The following PPM1L variants were observed in gnomAD, a reference collection of about 807,000 sequenced individuals.
PPM1L encodes the protein protein phosphatase, Mg2+/Mn2+ dependent 1L.
Under a neutral mutation model 31.4 loss-of-function variants are expected in PPM1L, and 13 were observed. The observed-to-expected ratio is 0.41, with a 90% confidence interval of 0.27 to 0.66. The LOEUF (loss-of-function observed/expected upper bound fraction) is 0.66, where lower values mean the gene tolerates loss of function less well. Among genes scored for constraint, PPM1L ranks in the 30% least tolerant of loss-of-function variants. The pLI, the probability that PPM1L is intolerant of heterozygous loss-of-function variation, is 0.29. For missense variants in PPM1L, 326 were observed against 453.7 expected (o/e 0.72, Z 2.56); for synonymous variants, 184 against 175.4 (o/e 1.05, Z -0.39).
intron 1 of PPM1L, among the ~76,000 whole-genome samples, chr3:160,766,631 C>T (rs1715107408): frequency 6.6e-6 from 1 of 151,918 alleles, no homozygotes; most frequent in Non-Finnish European, 1.5e-5. Context: ...TTGTAAATTA[C>T]CCAATCTCAG....
intron 2 of PPM1L, among the ~76,000 whole-genome samples, chr3:161,038,962 C>T (rs1036818179): frequency 6.6e-6 from 1 of 152,142 alleles, no homozygotes; most frequent in African/African-American, 2.4e-5. Context: ...AAAATGGTGA[C>T]GAGAATGACC....
intron 1 of PPM1L, among the ~76,000 whole-genome samples, chr3:160,894,997 C>T (rs1405333946): frequency 6.6e-6 from 1 of 151,974 alleles, no homozygotes; most frequent in Non-Finnish European, 1.5e-5. Context: ...TAAACTGTGC[C>T]TTGGAGAAGA....
chr3:160,979,854 A>G (rs961634483), intron 2 of PPM1L, among the ~76,000 whole-genome samples: 6 of 152,066 alleles, frequency 3.9e-5, no homozygotes, highest in Non-Finnish European at 8.8e-5. Flanking sequence ...TTTCAATAAA[A>G]CTTTTCATCC....
At chr3:160,768,528 A>C (rs562144290) in intron 1 of PPM1L, among the ~76,000 whole-genome samples, 27 of 152,310 alleles carry the variant, frequency 1.8e-4, no homozygotes, top group African/African-American at 6.3e-4. Flanking sequence ...AGAAGTACTC[A>C]TCTCAAGAAG....
At chr3:160,797,427 G>A (rs182324325) in intron 1 of PPM1L, among the ~76,000 whole-genome samples, 1 of 152,162 alleles carries the variant, frequency 6.6e-6, no homozygotes, top group Admixed American at 6.5e-5. Context: ...TTGAAATTAG[G>A]CCAATTAGTA....
rs1037796525 is a variant in PPM1L, at chr3:161,071,478, A to G, written c.*2321A>G. 6.6e-5 allele frequency: 10 copies of G among 152,170 alleles called. No homozygotes were observed. Among genetic ancestry groups the G allele is most frequent in the Admixed American group, 4.6e-4 (7 of 15,274 alleles). The allele number at this position is 152,170 out of a possible 1,614,324, so 9.4% of individuals were successfully genotyped here. On this transcript the variant is annotated 3_prime_UTR_variant, in exon 4 of 4. Transcript: ENST00000498165. Reference sequence around the variant, plus strand: ...TGGTGCTGAGTGCACGAGTTACATAACTTTCTCTCTAATTGAGGTTCACAA... The same window carrying G: ...TGGTGCTGAGTGCACGAGTTACATAGCTTTCTCTCTAATTGAGGTTCACAA...
At chr3:160,825,698 T>C (rs1713338406) in intron 1 of PPM1L, among the ~76,000 whole-genome samples, 1 of 152,184 alleles carries the variant, frequency 6.6e-6, no homozygotes, top group South Asian at 2.1e-4. Flanking sequence ...AAGATAAGAA[T>C]GACTTTACCG....
chr3:160,998,766 A>G (rs1717398760), intron 2 of PPM1L, among the ~76,000 whole-genome samples: 1 of 152,184 alleles, frequency 6.6e-6, no homozygotes, highest in Non-Finnish European at 1.5e-5. Context: ...ACTGTAATAC[A>G]AGGTCTGTTT....
intron 2 of PPM1L, among the ~76,000 whole-genome samples, chr3:161,051,224 C>G (rs1224383680): frequency 1.3e-5 from 2 of 152,150 alleles, no homozygotes; most frequent in Admixed American, 6.5e-5. Flanking sequence ...TTCTAAGTGT[C>G]TGTTTGGTTT....
At chr3:160,902,120 A>G (rs754369245) in intron 1 of PPM1L, among the ~76,000 whole-genome samples, 11 of 152,158 alleles carry the variant, frequency 7.2e-5, no homozygotes, top group Non-Finnish European at 1.6e-4. Context: ...ATTCACAACC[A>G]TACCTATCCA....
chr3:160,990,781 A>G (rs1424529820), intron 2 of PPM1L, among the ~76,000 whole-genome samples: 6 of 152,220 alleles, frequency 3.9e-5, no homozygotes, highest in Non-Finnish European at 8.8e-5. Flanking sequence ...GTGATTATAA[A>G]CAGATTTTCA....
intron 1 of PPM1L, among the ~76,000 whole-genome samples, chr3:160,924,862 A>G (rs773965371): frequency 2.6e-5 from 4 of 152,224 alleles, no homozygotes; most frequent in Non-Finnish European, 4.4e-5. Flanking sequence ...TCTGACTTAT[A>G]TCTAATGATA....
chr3:160,884,573 A>G (rs1712843870), intron 1 of PPM1L, among the ~76,000 whole-genome samples: 1 of 152,216 alleles, frequency 6.6e-6, no homozygotes, highest in Non-Finnish European at 1.5e-5. Context: ...GTATTTAATA[A>G]TCGCTTTGAC....
chr3:160,922,050 C>A (rs1234173303), intron 1 of PPM1L, among the ~76,000 whole-genome samples: 1 of 152,162 alleles, frequency 6.6e-6, no homozygotes, highest in African/African-American at 2.4e-5. Flanking sequence ...GTGGCTCACA[C>A]CTGTAATCCC....
At chr3:160,962,340 C>G (rs1715995654) in intron 2 of PPM1L, among the ~76,000 whole-genome samples, 1 of 152,018 alleles carries the variant, frequency 6.6e-6, no homozygotes, top group Non-Finnish European at 1.5e-5. Flanking sequence ...CTTAGCAACT[C>G]AGACACTACC....
chr3:160,790,547 A>G (rs1019165490), intron 1 of PPM1L, among the ~76,000 whole-genome samples: 20 of 152,068 alleles, frequency 1.3e-4, no homozygotes, highest in African/African-American at 4.6e-4. Context: ...AGAGAGAGTC[A>G]TATTTGGGAA....
At chr3:161,050,412 G>T (rs1719235474) in intron 2 of PPM1L, among the ~76,000 whole-genome samples, 2 of 152,110 alleles carry the variant, frequency 1.3e-5, no homozygotes, top group African/African-American at 4.8e-5. Context: ...TTCTATAAAT[G>T]AGTCATATTG....
chr3:160,825,555 G>A (rs1490944983), intron 1 of PPM1L, among the ~76,000 whole-genome samples: 1 of 152,164 alleles, frequency 6.6e-6, no homozygotes, highest in African/African-American at 2.4e-5. Context: ...GTTAAAGACA[G>A]TGGAACAGGT....
chr3:160,945,117 C>A (rs62280306), intron 1 of PPM1L, among the ~76,000 whole-genome samples: 284 of 10,144 alleles, frequency 0.028, 23 homozygotes, highest in African/African-American at 0.08. Context: ...TATATGTTAT[C>A]TATCTATCTA....
Sources: allele counts gnomAD v4.1 joint callset (sites outside exome capture counted in the v4.1 genomes callset), GRCh38; gene constraint gnomAD v4.1.1; transcripts MANE v1.5; gene names NCBI Gene and HGNC (gene_info 2026-07-23, HGNC 2026-07-21).